Variants in ACSS3 observed in about 807,000 individuals in gnomAD.
ACSS3 encodes acyl-CoA synthetase short-chain family member 3, mitochondrial.
A neutral mutation model predicts 84.2 loss-of-function variants in ACSS3; 64 were observed. That is an observed-to-expected ratio of 0.76 (90% CI 0.62 to 0.94). The LOEUF (loss-of-function observed/expected upper bound fraction) is 0.94, where lower values mean the gene tolerates loss of function less well. Ranked by LOEUF, ACSS3 falls within the 40% of genes least tolerant of loss-of-function variation. The pLI, the probability that ACSS3 is intolerant of heterozygous loss-of-function variation, is 0.00. For synonymous variants in ACSS3, 317 were observed against 310.1 expected, an observed-to-expected ratio of 1.02 and a Z score of -0.23; for missense variants, 815 against 867.6, an observed-to-expected ratio of 0.94 and a Z score of 0.76.
intron 7 of ACSS3, among the ~76,000 whole-genome samples, chr12:81,167,039 G>A (rs1806383309): frequency 6.6e-6 from 1 of 152,212 alleles, no homozygotes; most frequent in Non-Finnish European, 1.5e-5. Flanking sequence ...TAGAAGCAAT[G>A]AGCTACGAGC....
intron 1 of ACSS3, among the ~76,000 whole-genome samples, chr12:81,105,039 A>T (rs572542211): frequency 3.3e-5 from 5 of 152,270 alleles, no homozygotes; most frequent in Admixed American, 3.3e-4. Context: ...AAGACCCGAG[A>T]TGTCTAGATA....
At chr12:81,208,489 C>T (rs1265383048) in intron 9 of ACSS3, among the ~76,000 whole-genome samples, 1 of 152,088 alleles carries the variant, frequency 6.6e-6, no homozygotes, top group East Asian at 1.9e-4. Flanking sequence ...CAGACAATCA[C>T]CAAGACCTTT....
Position 81,260,142 on chromosome 12 carries a change from G to A in ACSS3, c.*5220G>A, listed in dbSNP as rs1401129775. 2 of 152,334 alleles carry A rather than the reference G, an allele frequency of 1.3e-5. No homozygotes were observed. The highest frequency in any genetic ancestry group is 4.8e-5 in the African/African-American group (2 of 41,400). 9.4% of individuals were successfully genotyped at this position (152,334 alleles called of 1,614,324 possible). A position where few individuals can be genotyped will look rare whatever the true frequency, so the allele number is the denominator to read the frequency against. ...ATTGCTGATTGTTTTCAGCCATAAT[G>A]TACTTAGAAAAAGCTCACAATTGCT... is the stretch of plus-strand genomic sequence containing the variant. On this transcript the variant is annotated 3_prime_UTR_variant, in exon 16 of 16. Coordinates refer to ENST00000548058, the MANE Select transcript of ACSS3 (RefSeq NM_024560.4).
intron 13 of ACSS3, among the ~76,000 whole-genome samples, chr12:81,241,131 C>T (rs1459360913): frequency 1.3e-5 from 2 of 151,782 alleles, no homozygotes; most frequent in Non-Finnish European, 2.9e-5. Context: ...TGATGATTTC[C>T]AATTTCATCC....
At chr12:81,168,890 G>A (rs1887525119) in intron 7 of ACSS3, among the ~76,000 whole-genome samples, 3 of 152,148 alleles carry the variant, frequency 2.0e-5, no homozygotes, top group African/African-American at 7.2e-5. Flanking sequence ...CAGGCAGGTT[G>A]GTATTGAAAA....
intron 7 of ACSS3, among the ~76,000 whole-genome samples, chr12:81,170,337 A>T (rs1293204764): frequency 6.6e-6 from 1 of 152,146 alleles, no homozygotes; most frequent in Non-Finnish European, 1.5e-5. Flanking sequence ...GTATATATGG[A>T]TGTTAACATT....
chr12:81,078,443 C>G lies in ACSS3; in HGVS notation c.311+12C>G, dbSNP rs1319428754. The G allele has an allele frequency of 6.2e-7, 1 of 1,611,424 alleles. No individual in the cohort carries two copies. ...CCCTCTACCAGGTGGTGAGTGACTTCTGTGCCAACCCTGATCCCCCATCCC... is the reference window on the plus strand; with the variant it reads ...CCCTCTACCAGGTGGTGAGTGACTTGTGTGCCAACCCTGATCCCCCATCCC... On this transcript the variant is annotated intron_variant, in intron 1 of 15. Transcript: ENST00000548058.
At chr12:81,188,426 C>A (rs1565711281) in intron 8 of ACSS3, among the ~76,000 whole-genome samples, 1 of 151,928 alleles carries the variant, frequency 6.6e-6, no homozygotes, top group South Asian at 2.1e-4. Context: ...ATAATTATTA[C>A]AAAGTGAACA....
chr12:81,227,063 G>T (rs2033298227), intron 11 of ACSS3, among the ~76,000 whole-genome samples: 2 of 151,342 alleles, frequency 1.3e-5, no homozygotes, highest in African/African-American at 4.8e-5. Flanking sequence ...TCATGCAGTT[G>T]TGAAGGCTAG....
At chr12:81,139,400 AT>A (rs3832864) in intron 4 of ACSS3, 135 bp downstream of exon 4, 110,779 of 1,024,186 alleles carry the variant, frequency 0.11, 7,039 homozygotes, top group Non-Finnish European at 0.13. Flanking sequence ...TTTCTAAAAA[AT>A]ATATGAATAA....
At chr12:81,095,850 C>T (rs1437355213) in intron 1 of ACSS3, among the ~76,000 whole-genome samples, 4 of 152,104 alleles carry the variant, frequency 2.6e-5, no homozygotes, top group African/African-American at 4.8e-5. Flanking sequence ...TAGGAAGGAT[C>T]GGTGGGACTA....
chr12:81,179,428 G>A (rs188731445), intron 8 of ACSS3, among the ~76,000 whole-genome samples: 7 of 151,878 alleles, frequency 4.6e-5, no homozygotes, highest in African/African-American at 1.2e-4. Flanking sequence ...TGCCAACTAC[G>A]CGTCAGAGAA....
At chr12:81,219,582 G>A (rs565718050) in intron 10 of ACSS3, among the ~76,000 whole-genome samples, 2 of 152,134 alleles carry the variant, frequency 1.3e-5, no homozygotes, top group South Asian at 2.1e-4. Flanking sequence ...TGGATATTAC[G>A]CTTTAAATCA....
rs758405593 is a variant in ACSS3, at chr12:81,134,909, A to G, written c.550A>G (p.Thr184Ala). The G allele has an allele frequency of 1.2e-6, 2 of 1,607,962 alleles. No individual in the cohort carries two copies. Among genetic ancestry groups the G allele is most frequent in the South Asian group, 1.1e-5 (1 of 89,648 alleles). ...YMPMIPQAMY[T>A]MLACARIGAI... is the part of the protein sequence containing the mutation. ...GCCTATGATCCCACAGGCGATGTATACCATGTTGGCATGTGCAAGGATAGG... is the reference window on the plus strand; with the variant it reads ...GCCTATGATCCCACAGGCGATGTATGCCATGTTGGCATGTGCAAGGATAGG... Residue 184 changes from threonine (T) to alanine (A), a missense_variant, in exon 3 of 16, where the codon ACC becomes GCC. Physicochemically the swap from Thr to Ala is moderately conservative, Grantham distance 58 (BLOSUM62 0). Coordinates refer to ENST00000548058, the MANE Select transcript of ACSS3 (RefSeq NM_024560.4).
intron 3 of ACSS3, among the ~76,000 whole-genome samples, chr12:81,135,657 G>A (rs898117296): frequency 6.6e-6 from 1 of 151,562 alleles, no homozygotes; most frequent in Non-Finnish European, 1.5e-5. Flanking sequence ...CATATAGAGT[G>A]GTATAATGGA....
rs1223824354 is a variant in ACSS3, at chr12:81,253,558, G to C, written c.1883G>C (p.Gly628Ala). The C allele has an allele frequency of 6.2e-7, 1 of 1,613,910 alleles. No homozygotes were observed. Among genetic ancestry groups the C allele is most frequent in the Admixed American group, 1.7e-5 (1 of 59,952 alleles). Residue 628 changes from glycine to alanine, a missense_variant, in exon 15 of 16, where the codon GGC becomes GCC. Transcript: ENST00000548058. ...GTGAAACACGTTAGACAGAACATTG[G>C]CCCTGTGGCTGCTTTTCGAAATGCA... ...EIVKHVRQNI[G>A]PVAAFRNAVF...
At chr12:81,140,872 C>T (rs181863867) in intron 4 of ACSS3, among the ~76,000 whole-genome samples, 132 of 152,180 alleles carry the variant, frequency 8.7e-4, no homozygotes, top group African/African-American at 3.1e-3. Flanking sequence ...TTGTTCAGAA[C>T]TTATGATGTT....
chr12:81,143,673 A>AT (rs1305032904), intron 5 of ACSS3, among the ~76,000 whole-genome samples: 1 of 152,036 alleles, frequency 6.6e-6, no homozygotes, highest in Non-Finnish European at 1.5e-5. Flanking sequence ...TATAGAATTG[A>AT]TTTTTTGATC....
intron 13 of ACSS3, among the ~76,000 whole-genome samples, chr12:81,243,982 G>T (rs1311831160): frequency 6.6e-6 from 1 of 151,758 alleles, no homozygotes; most frequent in Non-Finnish European, 1.5e-5. Flanking sequence ...TATTTTCCAT[G>T]TCTCCAAATA....
Sources: allele counts gnomAD v4.1 joint callset (sites outside exome capture counted in the v4.1 genomes callset), GRCh38; gene constraint gnomAD v4.1.1; transcripts MANE v1.5; gene names NCBI Gene and HGNC (gene_info 2026-07-23, HGNC 2026-07-21).